The following CAMK2D variants were observed in gnomAD, a reference collection of about 807,000 sequenced individuals.
CAMK2D encodes the protein calcium/calmodulin-dependent protein kinase type II subunit delta.
In CAMK2D, 37 loss-of-function variants were observed where a neutral mutation model predicts 84.0. The observed-to-expected ratio is 0.44, with a 90% CI of 0.34 to 0.58. The LOEUF (loss-of-function observed/expected upper bound fraction) is 0.58. Ranked by LOEUF, CAMK2D falls within the 20% of genes least tolerant of loss-of-function variation. CAMK2D has a pLI of 0.02. For missense variants in CAMK2D, 448 were observed against 652.5 expected (o/e 0.69, Z 3.41); for synonymous variants, 202 against 212.5 (o/e 0.95, Z 0.43).
At chr4:113,537,000 T>C in intron 7 of CAMK2D, among the ~76,000 whole-genome samples, 1 of 152,228 alleles carries the variant, frequency 6.6e-6, no homozygotes, top group Non-Finnish European at 1.5e-5. Context: ...TGAGGTTGTA[T>C]GCAAACAATC....
At chr4:113,641,998 G>A (rs1030263082) in intron 3 of CAMK2D, among the ~76,000 whole-genome samples, 4 of 151,630 alleles carry the variant, frequency 2.6e-5, no homozygotes, top group Non-Finnish European at 4.4e-5. Context: ...CAACAAGAGC[G>A]AAACTCAGTC....
intron 2 of CAMK2D, among the ~76,000 whole-genome samples, chr4:113,701,597 A>C (rs977944863): frequency 1.3e-5 from 2 of 151,948 alleles, no homozygotes; most frequent in Admixed American, 1.3e-4. Flanking sequence ...GGACCTTCAT[A>C]CCTCCCCTGC....
chr4:113,505,103 A>C (rs1054256835), intron 13 of CAMK2D, 68 bp from the exon 14 acceptor site: 9 of 876,118 alleles, frequency 1.0e-5, no homozygotes, highest in Non-Finnish European at 1.6e-5. Context: ...CTCTAGATGC[A>C]GCATGTCTAC....
chr4:113,505,541 A>G (rs914506341), intron 13 of CAMK2D, among the ~76,000 whole-genome samples: 1 of 152,172 alleles, frequency 6.6e-6, no homozygotes, highest in Non-Finnish European at 1.5e-5. Flanking sequence ...TTCTGAGAAA[A>G]CGCTGGTGTC....
At chr4:113,625,439 G>A (rs79795328) in intron 3 of CAMK2D, among the ~76,000 whole-genome samples, 13,980 of 152,200 alleles carry the variant, frequency 0.092, 848 homozygotes, top group Non-Finnish European at 0.13. Context: ...GGGAAAGAAA[G>A]GGTATTTGGG....
At chr4:113,604,281 T>A (rs544888089) in intron 4 of CAMK2D, among the ~76,000 whole-genome samples, 1 of 152,306 alleles carries the variant, frequency 6.6e-6, no homozygotes, top group Non-Finnish European at 1.5e-5. Context: ...TTAACTATAT[T>A]TAAAATGTGC....
chr4:113,700,159 G>A (rs2099413730), intron 2 of CAMK2D, among the ~76,000 whole-genome samples: 1 of 152,054 alleles, frequency 6.6e-6, no homozygotes, highest in Admixed American at 6.6e-5. Flanking sequence ...AGGAACCAAA[G>A]AAAACCTGCT....
intron 16 of CAMK2D, among the ~76,000 whole-genome samples, chr4:113,494,426 G>A (rs1300360734): frequency 6.6e-6 from 1 of 152,114 alleles, no homozygotes; most frequent in Admixed American, 6.5e-5. Context: ...GCCCCTGCTG[G>A]GGGGTGCCTC....
intron 2 of CAMK2D, among the ~76,000 whole-genome samples, chr4:113,685,027 TTC>T (rs955112309): frequency 3.3e-5 from 5 of 152,140 alleles, no homozygotes; most frequent in African/African-American, 9.7e-5. Context: ...AGCAAAGTCC[TTC>T]TCTCTTTGTT....
chr4:113,653,726 G>T (rs1266850844), intron 3 of CAMK2D, among the ~76,000 whole-genome samples: 1 of 151,844 alleles, frequency 6.6e-6, no homozygotes, highest in East Asian at 1.9e-4. Flanking sequence ...CTGGAATATT[G>T]GTACAATAAA....
rs768015630 is a variant in CAMK2D at position 113,513,384 on chromosome 4, T to G, written c.904-14A>C. ...CAAGATGGCACCCTGTGAAAAAAATTAGAACACAAAAGTCAGTGTTGCCTA... is the reference window on the plus strand; with the variant it reads ...CAAGATGGCACCCTGTGAAAAAAATGAGAACACAAAAGTCAGTGTTGCCTA... On this transcript the variant is annotated splice_polypyrimidine_tract_variant and intron_variant, in intron 11 of 20. Coordinates refer to ENST00000511664, the MANE Select transcript of CAMK2D (RefSeq NM_001321571.2). 99 of 1,587,326 alleles carry G rather than the reference T, an allele frequency of 6.2e-5. 2 individuals are homozygous for G. The Admixed American group carries it at 8.0e-4, about 13-fold the overall frequency.
intron 5 of CAMK2D, among the ~76,000 whole-genome samples, chr4:113,551,825 C>T (rs1415666106): frequency 2.0e-5 from 3 of 151,932 alleles, no homozygotes; most frequent in African/African-American, 7.3e-5. Flanking sequence ...GTTTGTTTTT[C>T]CTTGTTGTTT....
chr4:113,658,199 A>C (rs1489105114), intron 3 of CAMK2D, among the ~76,000 whole-genome samples: 2 of 152,186 alleles, frequency 1.3e-5, no homozygotes, highest in Non-Finnish European at 2.9e-5. Context: ...TATGACAGTC[A>C]CTGTTGTTAT....
In CAMK2D at chr4:113,680,084, T is replaced by A. The variant is rs1404797840; in HGVS notation, c.161-18312A>T. On this transcript the variant is annotated intron_variant, in intron 2 of 20. Transcript: ENST00000511664. ...CATTATTATTATTTTTTTCTTTTTT[T>A]AAAATCAAGACAGGATCTTGCTACA... Among the ~76,000 whole-genome samples, 17 of 152,340 alleles carry A rather than the reference T, an allele frequency of 1.1e-4. No homozygotes were observed. The East Asian group carries it at 2.7e-3, about 24-fold the overall frequency.
At position 113,719,220 on chromosome 4, in the gene CAMK2D, G is replaced by A. The variant is rs531548801; in HGVS notation, c.160+40100C>T. 5.3e-5 allele frequency among the ~76,000 whole-genome samples: 8 copies of A among 152,184 alleles called. No individual in the cohort carries two copies. The South Asian group carries it at 6.2e-4, about 12-fold the overall frequency. ...CTGAGATCCTGTACTAGGACCCAAC[G>A]GAATAGACCAAACCAAAATGGAGTC... On this transcript the variant is annotated intron_variant, in intron 2 of 20. Transcript: ENST00000511664.
intron 2 of CAMK2D, among the ~76,000 whole-genome samples, chr4:113,725,453 G>C (rs907454142): frequency 6.6e-6 from 1 of 151,924 alleles, no homozygotes; most frequent in Non-Finnish European, 1.5e-5. Flanking sequence ...AAAAGTGAAC[G>C]CACTCTGTTC....
chr4:113,688,947 TAA>T (rs11323297), intron 2 of CAMK2D, among the ~76,000 whole-genome samples: 1 of 52,304 alleles, frequency 1.9e-5, no homozygotes, highest in Non-Finnish European at 4.6e-5. Flanking sequence ...AAGAGCACAC[TAA>T]AAAAAAAAAT....
At chr4:113,662,112 C>G (rs1380607857) in intron 2 of CAMK2D, among the ~76,000 whole-genome samples, 1 of 152,026 alleles carries the variant, frequency 6.6e-6, no homozygotes, top group African/African-American at 2.4e-5. Flanking sequence ...TATAGACATA[C>G]CAATTTAGAG....
intron 6 of CAMK2D, among the ~76,000 whole-genome samples, chr4:113,541,029 C>G (rs2098526627): frequency 6.6e-6 from 1 of 152,190 alleles, no homozygotes; most frequent in South Asian, 2.1e-4. Context: ...CTGTAATGAG[C>G]AGCAACTGTT....
Sources: gnomAD v4.1 joint callset for allele counts (sites outside exome capture counted in the v4.1 genomes callset) on GRCh38, gnomAD v4.1.1 for gene constraint, MANE v1.5 for transcripts, NCBI Gene and HGNC (gene_info 2026-07-23, HGNC 2026-07-21) for gene names.